Variants in CDKAL1 observed in about 807,000 individuals in gnomAD.
CDKAL1 encodes threonylcarbamoyladenosine tRNA methylthiotransferase.
In CDKAL1, 32 loss-of-function variants were observed where a neutral mutation model predicts 68.2. That is an observed-to-expected ratio of 0.47 (90% CI 0.35 to 0.63). The LOEUF (loss-of-function observed/expected upper bound fraction) is 0.63. CDKAL1 is among the 30% of genes least tolerant of loss of function. The pLI is 0.00. For synonymous variants in CDKAL1, 234 were observed against 244.3 expected (o/e 0.96, Z 0.39); for missense variants, 606 against 696.7 (o/e 0.87, Z 1.47).
intron 12 of CDKAL1, among the ~76,000 whole-genome samples, chr6:21,105,834 G>A (rs1265800951): frequency 6.6e-5 from 10 of 152,164 alleles, no homozygotes; most frequent in African/African-American, 2.4e-4. Context: ...ATGTGGTCGT[G>A]GGCTAACCTA....
At chr6:20,686,209 A>G (rs1373608323) in intron 5 of CDKAL1, among the ~76,000 whole-genome samples, 2 of 150,696 alleles carry the variant, frequency 1.3e-5, no homozygotes, top group Admixed American at 6.6e-5. Context: ...CTTGTCTTGT[A>G]TTAACTAGGA....
intron 4 of CDKAL1, among the ~76,000 whole-genome samples, chr6:20,607,882 A>G (rs1046624562): frequency 6.6e-6 from 1 of 152,064 alleles, no homozygotes; most frequent in Non-Finnish European, 1.5e-5. Context: ...TTTAGTAGAG[A>G]TGGGGTTTCA....
chr6:21,153,977 C>T (rs1463615460), intron 13 of CDKAL1, among the ~76,000 whole-genome samples: 1 of 152,112 alleles, frequency 6.6e-6, no homozygotes, highest in Non-Finnish European at 1.5e-5. Context: ...CAGATGACAT[C>T]TGGGTCTCAT....
At chr6:21,210,203 T>C (rs1235217207) in intron 15 of CDKAL1, among the ~76,000 whole-genome samples, 3 of 152,214 alleles carry the variant, frequency 2.0e-5, no homozygotes, top group Non-Finnish European at 2.9e-5. Flanking sequence ...GATACCATCC[T>C]GCCCTCAAGG....
Position 20,758,590 on chromosome 6 carries a change from TCC to T in CDKAL1, c.469-4_469-3del. On this transcript the variant is annotated splice_polypyrimidine_tract_variant and splice_region_variant and intron_variant, in intron 6 of 15. Coordinates refer to ENST00000274695, the MANE Select transcript of CDKAL1 (RefSeq NM_017774.3). ...ACTTGTGTAATCGTTTTTTTTTTTT[TCC>T]AGGTTCAGCAGATAGATCGTGTGGT... 1 of 1,593,376 alleles carries T rather than the reference TCC, an allele frequency of 6.3e-7. No individual in the cohort carries two copies. Among genetic ancestry groups the T allele is most frequent in the Non-Finnish European group, 8.5e-7 (1 of 1,173,434 alleles).
At chr6:21,005,523 TTAAA>T in intron 11 of CDKAL1, among the ~76,000 whole-genome samples, 1 of 152,348 alleles carries the variant, frequency 6.6e-6, no homozygotes, top group African/African-American at 2.4e-5. Context: ...TAACTAGACC[TTAAA>T]TAGTTAACAT....
chr6:20,770,436 T>C (rs1774892270), intron 7 of CDKAL1, among the ~76,000 whole-genome samples: 1 of 152,240 alleles, frequency 6.6e-6, no homozygotes, highest in South Asian at 2.1e-4. Flanking sequence ...TGCGATGTTT[T>C]TTAAGGATAT....
At chr6:21,139,323 C>T (rs1448503509) in intron 13 of CDKAL1, among the ~76,000 whole-genome samples, 1 of 152,118 alleles carries the variant, frequency 6.6e-6, no homozygotes, top group Non-Finnish European at 1.5e-5. Context: ...CCAAGTCATC[C>T]AGTAAAATGC....
chr6:20,605,442 G>A (rs180673539), intron 4 of CDKAL1, among the ~76,000 whole-genome samples: 1 of 152,246 alleles, frequency 6.6e-6, no homozygotes, highest in Non-Finnish European at 1.5e-5. Flanking sequence ...TAACATCTGT[G>A]CCAATTCTGG....
chr6:20,992,398 A>C (rs1018283002), intron 10 of CDKAL1, among the ~76,000 whole-genome samples: 16 of 151,598 alleles, frequency 1.1e-4, no homozygotes, highest in African/African-American at 3.9e-4. Flanking sequence ...CTCTGTTATA[A>C]TTTTTCTAAT....
chr6:20,770,159 A>T (rs1774878117), intron 7 of CDKAL1, among the ~76,000 whole-genome samples: 1 of 152,098 alleles, frequency 6.6e-6, no homozygotes, highest in Non-Finnish European at 1.5e-5. Flanking sequence ...GTTAATAAAG[A>T]TACGCTTAAT....
At chr6:20,673,579 C>T (rs1281521665) in intron 5 of CDKAL1, among the ~76,000 whole-genome samples, 1 of 152,112 alleles carries the variant, frequency 6.6e-6, no homozygotes, top group East Asian at 1.9e-4. Context: ...TGTGTCCCCA[C>T]CCAAATCTGA....
intron 9 of CDKAL1, among the ~76,000 whole-genome samples, chr6:20,885,720 C>G (rs551387541): frequency 6.6e-6 from 1 of 152,274 alleles, no homozygotes; most frequent in South Asian, 2.1e-4. Context: ...AAAAGACAAT[C>G]TACAGACTGG....
intron 9 of CDKAL1, among the ~76,000 whole-genome samples, chr6:20,888,710 T>G (rs911553047): frequency 3.9e-5 from 6 of 152,074 alleles, no homozygotes; most frequent in Non-Finnish European, 8.8e-5. Context: ...TCATCATTTT[T>G]TATGGCTGCG....
At chr6:20,739,079 C>G (rs1773328789) in intron 5 of CDKAL1, among the ~76,000 whole-genome samples, 1 of 151,960 alleles carries the variant, frequency 6.6e-6, no homozygotes, top group South Asian at 2.1e-4. Flanking sequence ...TTCTCTGTTT[C>G]AGTTTTTTTA....
At chr6:20,898,030 T>A (rs1318068168) in intron 9 of CDKAL1, among the ~76,000 whole-genome samples, 1 of 152,106 alleles carries the variant, frequency 6.6e-6, no homozygotes, top group Non-Finnish European at 1.5e-5. Flanking sequence ...CCCTTTAGGG[T>A]ACAGTCTTGT....
chr6:20,611,423 A>T (rs1464740372), intron 4 of CDKAL1, among the ~76,000 whole-genome samples: 1 of 152,112 alleles, frequency 6.6e-6, no homozygotes, highest in Non-Finnish European at 1.5e-5. Context: ...TTTTAAAGTG[A>T]TGGTGTTATT....
intron 9 of CDKAL1, among the ~76,000 whole-genome samples, chr6:20,896,526 T>C (rs1190060778): frequency 6.6e-6 from 1 of 152,232 alleles, no homozygotes; most frequent in Non-Finnish European, 1.5e-5. Flanking sequence ...AAATGCATAT[T>C]TCTGTAATTG....
At chr6:20,815,326 T>C (rs1348467917) in intron 8 of CDKAL1, among the ~76,000 whole-genome samples, 2 of 152,310 alleles carry the variant, frequency 1.3e-5, no homozygotes, top group East Asian at 3.9e-4. Flanking sequence ...TTGTATGATC[T>C]AGTCTTTAAG....
Sources: gnomAD v4.1 joint callset for allele counts (sites outside exome capture counted in the v4.1 genomes callset) on GRCh38, gnomAD v4.1.1 for gene constraint, MANE v1.5 for transcripts, NCBI Gene and HGNC (gene_info 2026-07-23, HGNC 2026-07-21) for gene names.